ARMH3: variants seen among roughly 807,000 people sequenced by gnomAD.
ARMH3 encodes the protein armadillo-like helical domain-containing protein 3.
A neutral mutation model predicts 99.1 loss-of-function variants in ARMH3; 60 were observed. The ratio of observed to expected loss-of-function variants is 0.61; its 90% CI spans 0.49 to 0.75. The LOEUF (loss-of-function observed/expected upper bound fraction) is 0.75, where lower values mean the gene tolerates loss of function less well. ARMH3 is among the 30% of genes least tolerant of loss of function. The pLI is 0.00. For missense variants in ARMH3, 679 were observed against 843.1 expected (o/e 0.81, Z 2.41); for synonymous variants, 285 against 292.8 (o/e 0.97, Z 0.27).
At chr10:102,038,840 A>C (rs941230436) in intron 2 of ARMH3, among the ~76,000 whole-genome samples, 3 of 151,758 alleles carry the variant, frequency 2.0e-5, no homozygotes, top group Non-Finnish European at 4.4e-5. Flanking sequence ...CCTGGGCTTA[A>C]GCAATCCTCC....
chr10:102,050,231 A>T (rs567029388), intron 1 of ARMH3, among the ~76,000 whole-genome samples: 29 of 152,084 alleles, frequency 1.9e-4, no homozygotes, highest in Non-Finnish European at 3.4e-4. Context: ...TCACAAGGTC[A>T]GGAGATTGAG....
intron 6 of ARMH3, among the ~76,000 whole-genome samples, chr10:102,024,818 C>CAA (rs200581743): frequency 4.4e-4 from 45 of 101,298 alleles, no homozygotes; most frequent in Non-Finnish European, 6.9e-4. Flanking sequence ...GACTCTGTCT[C>CAA]AAAAAAAAAA....
At chr10:101,901,679 T>C (rs2067984274) in intron 23 of ARMH3, among the ~76,000 whole-genome samples, 2 of 152,004 alleles carry the variant, frequency 1.3e-5, no homozygotes, top group African/African-American at 4.8e-5. Flanking sequence ...AGCCTGGGTG[T>C]GGATACTGTG....
chr10:101,849,640 G>A (rs2066540355), intron 25 of ARMH3, 136 bp downstream of exon 25: 1 of 687,342 alleles, frequency 1.5e-6, no homozygotes, highest in Non-Finnish European at 2.6e-6. Flanking sequence ...GTACAATGGG[G>A]GAGAGAAGTT....
intron 19 of ARMH3, among the ~76,000 whole-genome samples, chr10:101,981,867 AAATTAGCTGGG>A (rs1846246464): frequency 6.6e-6 from 1 of 151,574 alleles, no homozygotes; most frequent in Non-Finnish European, 1.5e-5. Context: ...AAAATACAAA[AAATTAGCTGGG>A]CGCGGTGGTG....
intron 23 of ARMH3, among the ~76,000 whole-genome samples, chr10:101,918,691 A>G (rs538974041): frequency 6.6e-6 from 1 of 152,348 alleles, no homozygotes; most frequent in South Asian, 2.1e-4. Flanking sequence ...ATTTTTATGG[A>G]GCAATTTAAT....
chr10:101,995,023 G>A (rs1448696417), intron 16 of ARMH3, among the ~76,000 whole-genome samples: 3 of 152,116 alleles, frequency 2.0e-5, no homozygotes, highest in Non-Finnish European at 2.9e-5. Context: ...GCAACAGAGC[G>A]ATACTCCGTC....
At chr10:102,050,610 C>A (rs1401987227) in intron 1 of ARMH3, among the ~76,000 whole-genome samples, 1 of 152,206 alleles carries the variant, frequency 6.6e-6, no homozygotes, top group Non-Finnish European at 1.5e-5. Flanking sequence ...GTAATCCCAA[C>A]ACTCTTGGAG....
At position 102,023,670 on chromosome 10, in the gene ARMH3, C is replaced by A; in HGVS notation, c.582+5G>T. On this transcript the variant is annotated splice_donor_5th_base_variant and intron_variant, in intron 7 of 25. Transcript: ENST00000370033. Reference sequence around the variant, plus strand: ...CCCAAAGAGAGGAGGTAACAAGGGACCTACCTGTAAAATTGCTTCAAATAT... The same window carrying A: ...CCCAAAGAGAGGAGGTAACAAGGGAACTACCTGTAAAATTGCTTCAAATAT... The A allele has an allele frequency of 6.2e-7, 1 of 1,613,334 alleles. No homozygotes were observed. Among genetic ancestry groups the A allele is most frequent in the Non-Finnish European group, 8.5e-7 (1 of 1,179,294 alleles).
At chr10:101,964,501 G>A (rs979717168) in intron 20 of ARMH3, among the ~76,000 whole-genome samples, 4 of 152,092 alleles carry the variant, frequency 2.6e-5, no homozygotes, top group Non-Finnish European at 4.4e-5. Flanking sequence ...AAAGATGAAC[G>A]AATAAACAAA....
At chr10:101,952,066 G>A (rs1302548649) in intron 22 of ARMH3, among the ~76,000 whole-genome samples, 4 of 152,060 alleles carry the variant, frequency 2.6e-5, no homozygotes, top group Non-Finnish European at 5.9e-5. Flanking sequence ...TAACCTCCCT[G>A]TCCCCCAACT....
At chr10:101,982,625 C>A (rs1424646645) in intron 19 of ARMH3, among the ~76,000 whole-genome samples, 2 of 152,166 alleles carry the variant, frequency 1.3e-5, no homozygotes, top group Non-Finnish European at 2.9e-5. Flanking sequence ...AGCTGCTGCC[C>A]ATGGTCTGCA....
At chr10:101,962,292 C>A (rs1845333235) in intron 20 of ARMH3, among the ~76,000 whole-genome samples, 1 of 152,176 alleles carries the variant, frequency 6.6e-6, no homozygotes, top group Non-Finnish European at 1.5e-5. Context: ...CCCAAAATAC[C>A]AACGTGAAGA....
chr10:101,881,427 G>A (rs1398063558), intron 24 of ARMH3, among the ~76,000 whole-genome samples: 1 of 152,108 alleles, frequency 6.6e-6, no homozygotes, highest in Non-Finnish European at 1.5e-5. Context: ...AGGGTTGGGG[G>A]GAAGTTGTTC....
At chr10:102,019,627 G>GT (rs1345813013) in intron 8 of ARMH3, among the ~76,000 whole-genome samples, 1 of 152,022 alleles carries the variant, frequency 6.6e-6, no homozygotes, top group East Asian at 1.9e-4. Context: ...TTTAAAAATT[G>GT]TTTAACTAAA....
chr10:101,985,315 C>CAT (rs79499574), intron 19 of ARMH3, among the ~76,000 whole-genome samples: 82,436 of 147,138 alleles, frequency 0.56, 23,215 homozygotes, highest in East Asian at 0.74. Context: ...CATGTATATA[C>CAT]ATATATATAT....
chr10:101,998,235 GTC>G (rs1847150976), intron 15 of ARMH3, among the ~76,000 whole-genome samples: 1 of 152,152 alleles, frequency 6.6e-6, no homozygotes, highest in South Asian at 2.1e-4. Context: ...TCCATGCAGT[GTC>G]TCTATTCTGT....
At chr10:101,962,647 C>T (rs1845348690) in intron 20 of ARMH3, among the ~76,000 whole-genome samples, 1 of 152,152 alleles carries the variant, frequency 6.6e-6, no homozygotes, top group Non-Finnish European at 1.5e-5. Context: ...TCCCATTTTA[C>T]AGATGAGCAA....
chr10:101,902,698 C>T (rs967614458), intron 23 of ARMH3, among the ~76,000 whole-genome samples: 1 of 151,888 alleles, frequency 6.6e-6, no homozygotes, highest in African/African-American at 2.4e-5. Context: ...TCAAAGGCAG[C>T]GGGAGGTGGG....
Sources: allele counts gnomAD v4.1 joint callset (sites outside exome capture counted in the v4.1 genomes callset), GRCh38; gene constraint gnomAD v4.1.1; transcripts MANE v1.5; gene names NCBI Gene and HGNC (gene_info 2026-07-23, HGNC 2026-07-21).